Variants in NLGN1 observed in about 807,000 individuals in gnomAD.
The protein encoded by NLGN1 is neuroligin-1.
NLGN1 carries 12 observed loss-of-function variants against 65.5 expected under a neutral mutation model. The observed-to-expected ratio is 0.18, with a 90% CI of 0.12 to 0.30. NLGN1 has a LOEUF of 0.30. Ranked by LOEUF, NLGN1 falls within the 10% of genes least tolerant of loss-of-function variation. The pLI is 1.00. For synonymous variants in NLGN1, 350 were observed against 359.5 expected (o/e 0.97, Z 0.30); for missense variants, 750 against 1,007.1 (o/e 0.74, Z 3.46).
intron 3 of NLGN1, among the ~76,000 whole-genome samples, chr3:173,669,465 C>T (rs1577858970): frequency 6.6e-6 from 1 of 152,184 alleles, no homozygotes; most frequent in Non-Finnish European, 1.5e-5. Flanking sequence ...GGCAGCAAAA[C>T]TCTAATCCTC....
chr3:173,615,068 G>T (rs1752857034), intron 3 of NLGN1, among the ~76,000 whole-genome samples: 1 of 151,820 alleles, frequency 6.6e-6, no homozygotes, highest in African/African-American at 2.4e-5. Flanking sequence ...AAATTCTTTG[G>T]CCACCTCCGC....
At position 174,281,125 on chromosome 3, in the gene NLGN1, C is replaced by A. The variant is rs750115532; in HGVS notation, c.2294C>A (p.Ala765Asp). The change falls in exon 7 of 7, where the codon GCT becomes GAT. Residue 765 changes from alanine to aspartate, a missense_variant. By Grantham distance (126) the Ala-to-Asp change is moderately radical (BLOSUM62 -2). Coordinates refer to ENST00000457714, the Ensembl canonical transcript of NLGN1. ...GCCTGTCCCCCAGATTACACACTAG[C>A]TATGAGGAGGTCACCTGATGATGTT... The A allele has an allele frequency of 6.2e-6, 10 of 1,613,276 alleles. No individual in the cohort carries two copies. In the Admixed American group the frequency reaches 1.7e-4, roughly 27 times the overall value.
intron 2 of NLGN1, among the ~76,000 whole-genome samples, chr3:173,536,167 G>A (rs138572149): frequency 1.3e-5 from 2 of 152,246 alleles, no homozygotes; most frequent in Non-Finnish European, 2.9e-5. Context: ...CTGTGAGGAT[G>A]GGAAGCTGAC....
intron 4 of NLGN1, among the ~76,000 whole-genome samples, chr3:174,065,823 G>A (rs1041075264): frequency 2.0e-5 from 3 of 151,946 alleles, no homozygotes; most frequent in Non-Finnish European, 4.4e-5. Flanking sequence ...CCTTCCCTAT[G>A]GAGAGGCCTA....
At chr3:174,134,140 G>A (rs754630418) in intron 4 of NLGN1, among the ~76,000 whole-genome samples, 5 of 152,066 alleles carry the variant, frequency 3.3e-5, no homozygotes, top group African/African-American at 4.8e-5. Flanking sequence ...AAACAGTTGC[G>A]ATTAAAGGAC....
intron 4 of NLGN1, among the ~76,000 whole-genome samples, chr3:173,923,940 C>G (rs1378951158): frequency 6.6e-6 from 1 of 152,088 alleles, no homozygotes; most frequent in Admixed American, 6.6e-5. Flanking sequence ...TAGAATAAAA[C>G]TTCTTCCATT....
At chr3:173,587,310 C>T (rs1210908268) in intron 2 of NLGN1, among the ~76,000 whole-genome samples, 1 of 150,832 alleles carries the variant, frequency 6.6e-6, no homozygotes, top group Non-Finnish European at 1.5e-5. Flanking sequence ...CTTGGAGGGG[C>T]TGTATCCTTT....
At chr3:173,895,115 A>C (rs929794140) in intron 4 of NLGN1, among the ~76,000 whole-genome samples, 9 of 151,934 alleles carry the variant, frequency 5.9e-5, no homozygotes, top group Admixed American at 1.3e-4. Context: ...AGTTTCTTGT[A>C]GTTGTACTAC....
intron 4 of NLGN1, among the ~76,000 whole-genome samples, chr3:174,240,492 T>A (rs1393119897): frequency 1.3e-5 from 2 of 151,914 alleles, no homozygotes; most frequent in Admixed American, 6.5e-5. Context: ...TCCTGAAAAA[T>A]TTTTAAATTA....
rs1264316063 is a variant in NLGN1 at position 174,192,321 on chromosome 3, AG to A, written c.647-82993del. Among the ~76,000 whole-genome samples, 18 of 152,312 alleles carry A rather than the reference AG, an allele frequency of 1.2e-4. 1 individual carries two copies. The highest frequency in any genetic ancestry group is 4.1e-4 in the South Asian group (2 of 4,828). On this transcript the variant is annotated intron_variant, in intron 4 of 6. Coordinates refer to ENST00000457714, the Ensembl canonical transcript of NLGN1. ...TTTGAAAAATGAATGGATTTAATCA[AG>A]TAACCAGGATTTTTTGCGTGCTTGA...
At chr3:173,792,958 A>G (rs913503054) in intron 3 of NLGN1, among the ~76,000 whole-genome samples, 3 of 152,150 alleles carry the variant, frequency 2.0e-5, no homozygotes, top group Non-Finnish European at 4.4e-5. Flanking sequence ...AGCTATTTTA[A>G]AACTCACAGT....
At chr3:173,861,012 A>G (rs1284241409) in intron 4 of NLGN1, among the ~76,000 whole-genome samples, 1 of 152,096 alleles carries the variant, frequency 6.6e-6, no homozygotes, top group Non-Finnish European at 1.5e-5. Flanking sequence ...TTAGTGAGAA[A>G]AGTTTTTATA....
chr3:173,455,960 T>C (rs1221377423), intron 2 of NLGN1, among the ~76,000 whole-genome samples: 1 of 152,084 alleles, frequency 6.6e-6, no homozygotes, highest in African/African-American at 2.4e-5. Flanking sequence ...CAGCTTATAC[T>C]ATCAGGCAGA....
At chr3:173,733,609 G>A (rs1021371316) in intron 3 of NLGN1, among the ~76,000 whole-genome samples, 1 of 152,174 alleles carries the variant, frequency 6.6e-6, no homozygotes, top group Middle Eastern at 3.4e-3. Context: ...TAAGATTCAA[G>A]GAGGTTCCTA....
intron 3 of NLGN1, among the ~76,000 whole-genome samples, chr3:173,777,631 GTCTATCTATCTATCTA>G (rs747269015): frequency 4.2e-4 from 15 of 35,894 alleles, no homozygotes; most frequent in African/African-American, 7.7e-4. Flanking sequence ...CTGTCTGTCT[GTCTATCTATCTATCTA>G]TCTATCTATC....
At position 174,279,144 on chromosome 3, in the gene NLGN1, T is replaced by C. The variant is rs1362803355; in HGVS notation, c.1143T>C (p.Tyr381=). Reference sequence around the variant, plus strand: ...TGGAGCAAGGAGAGTTTCTCAACTATGATATAATGTTAGGAGTGAACCAAG... The same window carrying C: ...TGGAGCAAGGAGAGTTTCTCAACTACGATATAATGTTAGGAGTGAACCAAG... Residue 381 remains tyrosine, a synonymous_variant, in exon 6 of 7, where the codon TAT becomes TAC. Transcript: ENST00000457714. The surrounding 1 kb of genome is among the most constrained non-coding windows in gnomAD (Gnocchi z 4.7). 6.2e-7 allele frequency: 1 copy of C among 1,613,276 alleles called. No individual in the cohort carries two copies. Among genetic ancestry groups the C allele is most frequent in the Admixed American group, 1.7e-5 (1 of 59,908 alleles).
At chr3:173,565,336 G>A (rs956297603) in intron 2 of NLGN1, among the ~76,000 whole-genome samples, 1 of 152,184 alleles carries the variant, frequency 6.6e-6, no homozygotes, top group African/African-American at 2.4e-5. Context: ...AGCAGCATGG[G>A]ATTGAGAAGA....
At chr3:173,535,185 G>C (rs1429128401) in intron 2 of NLGN1, among the ~76,000 whole-genome samples, 1 of 152,198 alleles carries the variant, frequency 6.6e-6, no homozygotes, top group Non-Finnish European at 1.5e-5. Context: ...CAAATCAGAA[G>C]ACAGTGAGTT....
In NLGN1 at chr3:173,568,234, C is replaced by T. The variant is rs552133062; in HGVS notation, c.-320-36045C>T. Among the ~76,000 whole-genome samples the T allele has an allele frequency of 3.1e-4, 46 of 146,108 alleles. No individual in the cohort carries two copies. In the East Asian group the frequency reaches 8.2e-3, roughly 26 times the overall value. On this transcript the variant is annotated intron_variant, in intron 2 of 6. Coordinates refer to ENST00000457714, the Ensembl canonical transcript of NLGN1. ...TTTCCTTTTCCTTTCCTTTCCTTTT[C>T]CTTTTCCTTTTCCTTTTCTTTTTTT...
Sources: allele counts gnomAD v4.1 joint callset (sites outside exome capture counted in the v4.1 genomes callset), GRCh38; gene constraint gnomAD v4.1.1; non-coding constraint Gnocchi (gnomAD v3.1); transcripts MANE v1.5; gene names NCBI Gene and HGNC (gene_info 2026-07-23, HGNC 2026-07-21).